RPS12: variants seen among roughly 807,000 people sequenced by gnomAD.
The protein encoded by RPS12 is small ribosomal subunit protein eS12.
A neutral mutation model predicts 17.2 loss-of-function variants in RPS12; 1 was observed. The observed-to-expected ratio is 0.06, with a 90% CI of 0.02 to 0.28. The LOEUF is 0.28. Ranked by LOEUF, RPS12 falls within the 10% of genes least tolerant of loss-of-function variation. RPS12 has a pLI of 1.00. For synonymous variants in RPS12, 67 were observed against 54.0 expected (o/e 1.24, Z -1.06); for missense variants, 146 against 162.1 (o/e 0.90, Z 0.54).
At chr6:132,816,130 G>A (rs573289956) in intron 3 of RPS12, 7 of 392,896 alleles carry the variant, frequency 1.8e-5, no homozygotes, top group Middle Eastern at 7.6e-4. Context: ...CATCGTGCCC[G>A]GCCTTTCACA....
rs888345218 is a variant in RPS12, at chr6:132,814,694, A to G, written c.-37-38A>G. 1.1e-4 allele frequency: 170 copies of G among 1,534,252 alleles called. No homozygotes were observed. The East Asian group carries it at 2.3e-3, about 21-fold the overall frequency. On this transcript the variant is annotated intron_variant, in intron 1 of 5. Coordinates refer to ENST00000230050, the MANE Select transcript of RPS12 (RefSeq NM_001016.4). Reference sequence around the variant, plus strand: ...GTTCTTGCTGGGATTCGTGACGAGTATCTGGTTCTTTAACAAGTCAATGCT... The same window carrying G: ...GTTCTTGCTGGGATTCGTGACGAGTGTCTGGTTCTTTAACAAGTCAATGCT...
At chr6:132,814,669 G>C in intron 1 of RPS12, 56 bp downstream of exon 1, 3 of 1,384,462 alleles carry the variant, frequency 2.2e-6, no homozygotes, top group Non-Finnish European at 3.1e-6. Context: ...GGCTCGTTGC[G>C]TTCTTGCTGG....
chr6:132,816,686 G>A (rs1782069498), intron 4 of RPS12, 123 bp downstream of exon 4: 2 of 794,158 alleles, frequency 2.5e-6, no homozygotes, highest in South Asian at 1.4e-5. Context: ...ACCTGATACT[G>A]TCGGCCATTT....
At position 132,816,519 on chromosome 6, in the gene RPS12, T is replaced by G. The variant is rs1328688914; in HGVS notation, c.190T>G (p.Leu64Val). 6.2e-7 allele frequency: 1 copy of G among 1,605,184 alleles called. No individual in the cohort carries two copies. Among genetic ancestry groups the G allele is most frequent in the Non-Finnish European group, 8.5e-7 (1 of 1,179,620 alleles). ...SNCDEPMYVK[L>V]VEALCAEHQI... The stretch of plus-strand genomic sequence containing the variant: ...CTGTGATGAGCCTATGTATGTCAAG[T>G]TGGTGGAGGCCCTTTGTGCTGAACA... Residue 64 changes from leucine to valine, a missense_variant, in exon 4 of 6, where the codon TTG becomes GTG. This residue lies in a region of RPS12 where 117 missense variants were observed against 104.6 expected (regional missense o/e 1.12). Coordinates refer to ENST00000230050, the MANE Select transcript of RPS12 (RefSeq NM_001016.4).
rs1782004876 is a variant in RPS12, at chr6:132,814,793, G to A, written c.14+11G>A. 1 of 1,612,706 alleles carries A rather than the reference G, an allele frequency of 6.2e-7. No homozygotes were observed. The highest frequency in any genetic ancestry group is 8.5e-7 in the Non-Finnish European group (1 of 1,178,958). ...CATGGCCGAGGAAGGGTGAGCCCAG[G>A]GGCCGGGGTTGGAGTTGGGGTCGGG... On this transcript the variant is annotated intron_variant, in intron 2 of 5. Transcript: ENST00000230050.
chr6:132,814,678 G>A (rs1215458357), intron 1 of RPS12, 54 bp from the exon 2 acceptor site: 1 of 1,430,284 alleles, frequency 7.0e-7, no homozygotes. Flanking sequence ...CGTTCTTGCT[G>A]GGATTCGTGA....
rs1330442170 is a variant in RPS12, at chr6:132,815,082, T to C, written c.125T>C (p.Leu42Ser). The C allele has an allele frequency of 6.2e-7, 1 of 1,603,554 alleles. No homozygotes were observed. Among genetic ancestry groups the C allele is most frequent in the East Asian group, 2.2e-5 (1 of 44,818 alleles). Residue 42 changes from leucine to serine, a missense_variant, in exon 3 of 6, where the codon TTA becomes TCA. By Grantham distance (145) the Leu-to-Ser change is moderately radical. Transcript: ENST00000230050. ...GGAATTCGCGAAGCTGCCAAAGCCT[T>C]AGACAAGTACGTGTATCAGTCTCAA... Reference protein sequence around the residue: ...ARGIREAAKALDKRQAHLCVL... With the variant: ...ARGIREAAKASDKRQAHLCVL...
At chr6:132,816,347 G>C (rs773914818) in intron 3 of RPS12, 114 bp from the exon 4 acceptor site, 7 of 731,006 alleles carry the variant, frequency 9.6e-6, no homozygotes, top group Non-Finnish European at 1.7e-5. Context: ...GTGTTCAGTG[G>C]ATTGGCTGCT....
intron 3 of RPS12, chr6:132,815,881 C>T (rs546851656): frequency 2.9e-5 from 13 of 440,992 alleles, no homozygotes; most frequent in African/African-American, 8.4e-5. Context: ...CTTGCTCTGT[C>T]CCCCAGGCTG....
At chr6:132,816,825 C>T (rs1782073353) in intron 4 of RPS12, 135 bp from the exon 5 acceptor site, 1 of 778,292 alleles carries the variant, frequency 1.3e-6, no homozygotes, top group Non-Finnish European at 2.3e-6. Context: ...ACAACTGGCT[C>T]CCTCTACTGA....
chr6:132,814,602 C>G lies in RPS12; in HGVS notation c.-49C>G, dbSNP rs781582010. The G allele has an allele frequency of 5.9e-6, 5 of 851,564 alleles. No individual in the cohort carries two copies. Among genetic ancestry groups the G allele is most frequent in the African/African-American group, 5.0e-5 (3 of 59,650 alleles). 52.8% of individuals were successfully genotyped at this position (851,564 alleles called of 1,614,324 possible). On this transcript the variant is annotated 5_prime_UTR_variant, in exon 1 of 6. Coordinates refer to ENST00000230050, the MANE Select transcript of RPS12 (RefSeq NM_001016.4). The stretch of plus-strand genomic sequence containing the variant: ...CTGCCGCCGCCGAGTCGCGCGGAGG[C>G]GGAGGCTTGGGGTAAGTTGAGCGAG...
intron 2 of RPS12, 37 bp from the exon 3 acceptor site, chr6:132,814,935 G>A (rs201982582): frequency 7.2e-5 from 107 of 1,481,982 alleles, no homozygotes; most frequent in Non-Finnish European, 4.6e-5. Context: ...TGTGGTGTGA[G>A]GATTTTAACT....
chr6:132,817,043 C>T lies in RPS12; in HGVS notation c.318C>T (p.Cys106=), dbSNP rs779621170. 3 of 1,606,978 alleles carry T rather than the reference C, an allele frequency of 1.9e-6. No individual in the cohort carries two copies. The highest frequency in any genetic ancestry group is 2.2e-5 in the East Asian group (1 of 44,846). ...REGKPRKVVG[C]SCVVVKDYGK... is the part of the protein sequence containing the mutation. ...GGAAACCCCGTAAAGTGGTTGGTTG[C>T]AGTTGTGTAGTAGTTAAGGTAAGTC... Residue 106 remains cysteine (C), a synonymous_variant, in exon 5 of 6, where the codon TGC becomes TGT. Coordinates refer to ENST00000230050, the MANE Select transcript of RPS12 (RefSeq NM_001016.4).
In RPS12 at chr6:132,814,629, C is replaced by G; in HGVS notation, c.-38+16C>G. 2.9e-6 allele frequency: 3 copies of G among 1,039,646 alleles called. No individual in the cohort carries two copies. Among genetic ancestry groups the G allele is most frequent in the African/African-American group, 1.6e-5 (1 of 63,368 alleles). The allele number at this position is 1,039,646 out of a possible 1,614,324, so 64.4% of individuals were successfully genotyped here. ...GAGGCTTGGGGTAAGTTGAGCGAGG[C>G]GGCAGGGGGGTGTATTGGTTATAAT... On this transcript the variant is annotated intron_variant, in intron 1 of 5. Transcript: ENST00000230050.
chr6:132,815,008 T>C lies in RPS12; in HGVS notation c.51T>C (p.Ala17=), dbSNP rs563533502. Residue 17 remains alanine (A), a synonymous_variant, in exon 3 of 6, where the codon GCT becomes GCC. Transcript: ENST00000230050. ...AAGGVMDVNT[A]LQEVLKTALI... ...GAGGTGTAATGGACGTTAATACTGC[T>C]TTACAAGAGGTTCTGAAGACTGCCC... 4.3e-6 allele frequency: 7 copies of C among 1,613,336 alleles called. No homozygotes were observed. In the South Asian group the frequency reaches 7.7e-5, roughly 18 times the overall value.
Position 132,814,742 on chromosome 6 carries a change from A to T in RPS12, c.-27A>T. 3 of 1,612,744 alleles carry T rather than the reference A, an allele frequency of 1.9e-6. No homozygotes were observed. The highest frequency in any genetic ancestry group is 2.5e-6 in the Non-Finnish European group (3 of 1,178,938). ...GCTTTTGTTTTTTAGTGCGTTCAAG[A>T]TTCAACTTCACCCGTAACCCACCGC... On this transcript the variant is annotated 5_prime_UTR_variant, in exon 2 of 6. Transcript: ENST00000230050.
At chr6:132,815,863 C>CA (rs748515779) in intron 3 of RPS12, 2 of 423,434 alleles carry the variant, frequency 4.7e-6, no homozygotes, top group African/African-American at 2.2e-5. Flanking sequence ...TTTTTTGAGA[C>CA]AAAGAGTCTT....
chr6:132,815,747 T>G (rs559792406), intron 3 of RPS12: 1 of 456,744 alleles, frequency 2.2e-6, no homozygotes, highest in East Asian at 6.9e-5. Flanking sequence ...ATGTATTTAG[T>G]AGGTCCTAGT....
At chr6:132,815,775 C>T (rs1406370600) in intron 3 of RPS12, 1 of 455,222 alleles carries the variant, frequency 2.2e-6, no homozygotes. Context: ...TTCTGTATTT[C>T]TATTTCGGCA....
Sources: allele counts gnomAD v4.1 joint callset, GRCh38; gene constraint gnomAD v4.1.1; regional missense constraint gnomAD v4.1.1; transcripts MANE v1.5; gene names NCBI Gene and HGNC (gene_info 2026-07-23, HGNC 2026-07-21).